The following FNTB variants were observed in gnomAD, a reference collection of about 807,000 sequenced individuals.
FNTB encodes the protein farnesyltransferase, CAAX box, subunit beta, also known as protein farnesyltransferase subunit beta.
FNTB carries 27 observed loss-of-function variants against 59.4 expected under a neutral mutation model. That is an observed-to-expected ratio of 0.45 (90% CI 0.34 to 0.63). FNTB has a LOEUF of 0.63. Among genes scored for constraint, FNTB ranks in the 20% least tolerant of loss-of-function variants. The pLI is 0.02. For synonymous variants in FNTB, 230 were observed against 220.7 expected (o/e 1.04, Z -0.37); for missense variants, 449 against 559.6 (o/e 0.80, Z 1.99).
Position 65,051,827 on chromosome 14 carries a change from C to CTG in FNTB, c.956-1407_956-1406dup, listed in dbSNP as rs1478346935. 1.4e-3 allele frequency among the ~76,000 whole-genome samples: 209 copies of CTG among 147,502 alleles called. 1 individual carries two copies. The highest frequency in any genetic ancestry group is 3.6e-3 in the Middle Eastern group (1 of 274). ...TTTTTTTTTTTGAGATGGAGTCTCG[C>CTG]TGTGTCGCCCAGGCTGGAGTGCAGT... is the stretch of plus-strand genomic sequence containing the variant. On this transcript the variant is annotated intron_variant, in intron 9 of 11. Coordinates refer to ENST00000246166, the MANE Select transcript of FNTB (RefSeq NM_002028.4).
At chr14:65,003,383 C>T (rs1418810263) in intron 1 of FNTB, 1 of 152,124 alleles carries the variant, frequency 6.6e-6, no homozygotes, top group African/African-American at 2.4e-5. Flanking sequence ...CAAACAACTT[C>T]ATAGAGCAGG....
intron 2 of FNTB, among the ~76,000 whole-genome samples, chr14:65,008,731 C>T (rs186619490): frequency 6.6e-6 from 1 of 152,326 alleles, no homozygotes; most frequent in East Asian, 1.9e-4. Context: ...GACCAGAGCT[C>T]AGGGGCGGAG....
At chr14:65,046,972 C>G (rs550240321) in intron 9 of FNTB, among the ~76,000 whole-genome samples, 2 of 151,412 alleles carry the variant, frequency 1.3e-5, no homozygotes, top group South Asian at 4.2e-4. Context: ...CAAAAAGGTG[C>G]GAAAAATATT....
At chr14:65,059,841 T>C (rs2098718056) in intron 11 of FNTB, among the ~76,000 whole-genome samples, 1 of 149,546 alleles carries the variant, frequency 6.7e-6, no homozygotes, top group South Asian at 2.1e-4. Context: ...TTTTTTCTTT[T>C]TTTTTTTTTT....
intron 1 of FNTB, among the ~76,000 whole-genome samples, chr14:64,999,007 A>T (rs56354838): frequency 0.13 from 19,302 of 152,248 alleles, 1,314 homozygotes; most frequent in Admixed American, 0.17. Context: ...TAAAAAGAAA[A>T]GGAGTACTGG....
At position 65,047,819 on chromosome 14, in the gene FNTB, C is replaced by A. The variant is rs545796130; in HGVS notation, c.955+3376C>A. Among the ~76,000 whole-genome samples the A allele has an allele frequency of 6.6e-6, 1 of 152,176 alleles. No homozygotes were observed. Among genetic ancestry groups the A allele is most frequent in the South Asian group, 2.1e-4 (1 of 4,826 alleles). ...CTGATATAGAAAGCTCTGCAAGATA[C>A]AACATGAAGTGTAAGGGGGCGGGGC... On this transcript the variant is annotated intron_variant, in intron 9 of 11. Transcript: ENST00000246166. This position sits in a 1 kb window ranked among gnomAD's most constrained non-coding sequence, Gnocchi z 5.2.
At chr14:65,057,322 GGGA>G (rs1317068469) in intron 11 of FNTB, among the ~76,000 whole-genome samples, 6 of 152,238 alleles carry the variant, frequency 3.9e-5, no homozygotes, top group African/African-American at 1.4e-4. Flanking sequence ...CTAGCACTTT[GGGA>G]GGCTGAGGTG....
chr14:65,022,235 C>T (rs1203917775), intron 4 of FNTB: 4 of 356,190 alleles, frequency 1.1e-5, no homozygotes, highest in Non-Finnish European at 2.2e-5. Context: ...CTAAGCCGTT[C>T]TGCCCATGGA....
intron 7 of FNTB, among the ~76,000 whole-genome samples, chr14:65,035,385 A>G (rs1288331846): frequency 6.6e-6 from 1 of 151,860 alleles, no homozygotes; most frequent in African/African-American, 2.4e-5. Flanking sequence ...GTTTTTTTGT[A>G]TTTTGTTCAG....
chr14:65,055,755 G>A (rs1566579925), intron 11 of FNTB, among the ~76,000 whole-genome samples: 1 of 152,112 alleles, frequency 6.6e-6, no homozygotes, highest in South Asian at 2.1e-4. Context: ...GGCCTCAAGT[G>A]ATATGCCTGC....
chr14:65,027,614 A>C lies in FNTB; in HGVS notation c.521+15A>C. On this transcript the variant is annotated intron_variant, in intron 5 of 11. Coordinates refer to ENST00000246166, the MANE Select transcript of FNTB (RefSeq NM_002028.4). The surrounding 1 kb of genome is among the most constrained non-coding windows in gnomAD (Gnocchi z 5.7). ...ATCATTAACAGGTACAGTGAAAGCC[A>C]GCAGTGACAGAAACCTAGAGGAGTT... 1.2e-6 allele frequency: 2 copies of C among 1,614,172 alleles called. No individual in the cohort carries two copies. Among genetic ancestry groups the C allele is most frequent in the Non-Finnish European group, 1.7e-6 (2 of 1,179,986 alleles).
At chr14:65,015,830 A>G in intron 4 of FNTB, 114 bp downstream of exon 4, 4 of 1,240,548 alleles carry the variant, frequency 3.2e-6, no homozygotes, top group Non-Finnish European at 4.6e-6. Flanking sequence ...TGCCACAAAG[A>G]AATCTTTGCT....
intron 2 of FNTB, among the ~76,000 whole-genome samples, chr14:65,010,035 G>A (rs1208349487): frequency 6.6e-6 from 1 of 152,130 alleles, no homozygotes; most frequent in African/African-American, 2.4e-5. Context: ...GCCTTCTCTT[G>A]TTTACAATTT....
chr14:65,044,444 G>T lies in FNTB; in HGVS notation c.955+1G>T. The T allele has an allele frequency of 6.2e-7, 1 of 1,606,096 alleles. No individual in the cohort carries two copies. The highest frequency in any genetic ancestry group is 8.5e-7 in the Non-Finnish European group (1 of 1,177,108). ...CTCCACCGCGCACTGCACGCCCAAG[G>T]TGAGCCTGGGGAGCTGTTCACTTGG... On this transcript the variant is annotated splice_donor_variant, in intron 9 of 11. Coordinates refer to ENST00000246166, the MANE Select transcript of FNTB (RefSeq NM_002028.4). LOFTEE classifies it high-confidence loss of function. The surrounding 1 kb of genome is among the most constrained non-coding windows in gnomAD (Gnocchi z 5.5).
At chr14:65,008,420 C>A (rs1394067342) in intron 2 of FNTB, among the ~76,000 whole-genome samples, 1 of 152,206 alleles carries the variant, frequency 6.6e-6, no homozygotes. Flanking sequence ...CCAGAGTGAG[C>A]AAGGCTAGCC....
At chr14:65,051,682 T>A (rs2062614601) in intron 9 of FNTB, among the ~76,000 whole-genome samples, 1 of 152,194 alleles carries the variant, frequency 6.6e-6, no homozygotes, top group African/African-American at 2.4e-5. Context: ...GACTGTATCA[T>A]AAACTTTTCA....
At chr14:65,025,697 T>C (rs1440811792) in intron 4 of FNTB, among the ~76,000 whole-genome samples, 1 of 151,922 alleles carries the variant, frequency 6.6e-6, no homozygotes, top group African/African-American at 2.4e-5. Flanking sequence ...TGCCTGTAAT[T>C]CTAGCTACTT....
intron 9 of FNTB, among the ~76,000 whole-genome samples, chr14:65,049,230 G>A (rs1328319892): frequency 6.6e-6 from 1 of 151,998 alleles, no homozygotes; most frequent in East Asian, 1.9e-4. Context: ...AGGCCTGTGA[G>A]TTTCCACTTG....
chr14:65,016,763 C>T (rs1030979295), intron 4 of FNTB, among the ~76,000 whole-genome samples: 1 of 152,204 alleles, frequency 6.6e-6, no homozygotes, highest in South Asian at 2.1e-4. Flanking sequence ...GGCCATTAAC[C>T]CTTGTGGTAC....
Sources: allele counts gnomAD v4.1 joint callset (sites outside exome capture counted in the v4.1 genomes callset), GRCh38; gene constraint gnomAD v4.1.1; non-coding constraint Gnocchi (gnomAD v3.1); transcripts MANE v1.5; gene names NCBI Gene and HGNC (gene_info 2026-07-23, HGNC 2026-07-21).